Variants in LAMC1 observed in about 807,000 individuals in gnomAD.
LAMC1 encodes the protein laminin subunit gamma 1, also known as laminin subunit gamma-1.
LAMC1 carries 38 observed loss-of-function variants against 173.6 expected under a neutral mutation model. That is an observed-to-expected ratio of 0.22 (90% confidence interval 0.17 to 0.29). The LOEUF (loss-of-function observed/expected upper bound fraction) is 0.29. LAMC1 is among the 10% of genes least tolerant of loss of function. The pLI is 1.00. For missense variants in LAMC1, 1,824 were observed against 2,051.8 expected (o/e 0.89, Z 2.14); for synonymous variants, 746 against 749.1 (o/e 1.00, Z 0.07).
At chr1:183,058,658 G>A (rs994702805) in intron 1 of LAMC1, among the ~76,000 whole-genome samples, 1 of 152,114 alleles carries the variant, frequency 6.6e-6, no homozygotes, top group South Asian at 2.1e-4. Flanking sequence ...TTATACTAAT[G>A]TTTCTTGTTA....
chr1:183,069,116 G>C (rs1193963356), intron 1 of LAMC1, among the ~76,000 whole-genome samples: 1 of 152,104 alleles, frequency 6.6e-6, no homozygotes, highest in African/African-American at 2.4e-5. Context: ...TACTGTACCT[G>C]CTATATTGTG....
chr1:183,123,411 A>G (rs907092556), intron 13 of LAMC1, among the ~76,000 whole-genome samples: 3 of 152,210 alleles, frequency 2.0e-5, no homozygotes, highest in African/African-American at 7.2e-5. Context: ...CTCAGATTAC[A>G]CCACTTTTAA....
intron 1 of LAMC1, among the ~76,000 whole-genome samples, chr1:183,085,324 G>A (rs1460945918): frequency 6.6e-6 from 1 of 151,968 alleles, no homozygotes; most frequent in African/African-American, 2.4e-5. Flanking sequence ...TCCTTGACTG[G>A]TGGTTTCACT....
chr1:183,140,467 C>T lies in LAMC1; in HGVS notation c.4537C>T (p.Leu1513Phe), dbSNP rs1281142315. The change falls in exon 27 of 28, where the codon CTC becomes TTC. Residue 1513 changes from leucine to phenylalanine, a missense_variant. Coordinates refer to ENST00000258341, the MANE Select transcript of LAMC1 (RefSeq NM_002293.4). Reference sequence around the variant, plus strand: ...AAAAGCCAAAAACTCTGTTACTAGCCTCCTCAGCATTATTAATGACCTCTT... The same window carrying T: ...AAAAGCCAAAAACTCTGTTACTAGCTTCCTCAGCATTATTAATGACCTCTT... ...ARKAKNSVTS[L>F]LSIINDLLEQ... The T allele has an allele frequency of 6.2e-7, 1 of 1,613,546 alleles. No individual in the cohort carries two copies. Among genetic ancestry groups the T allele is most frequent in the Non-Finnish European group, 8.5e-7 (1 of 1,179,730 alleles).
In LAMC1 at chr1:183,134,689, T is replaced by C; in HGVS notation, c.3879T>C (p.Ala1293=). The C allele has an allele frequency of 6.2e-7, 1 of 1,612,902 alleles. No homozygotes were observed. The highest frequency in any genetic ancestry group is 8.5e-7 in the Non-Finnish European group (1 of 1,179,508). The change falls in exon 23 of 28, where the codon GCT becomes GCC. Residue 1293 remains alanine, a synonymous_variant. Transcript: ENST00000258341. ...AAGCAAATAACATAAAGATGGAAGC[T>C]GAGAATCTGGAACAACTGATTGACC... ...ENEANNIKME[A]ENLEQLIDQK...
chr1:183,073,042 A>C (rs561970155), intron 1 of LAMC1, among the ~76,000 whole-genome samples: 50 of 152,346 alleles, frequency 3.3e-4, no homozygotes, highest in African/African-American at 1.2e-3. Context: ...AATGTGCTTG[A>C]ATCATCCTGA....
At chr1:183,092,414 A>C (rs1406431371) in intron 1 of LAMC1, among the ~76,000 whole-genome samples, 3 of 132,726 alleles carry the variant, frequency 2.3e-5, no homozygotes, top group Non-Finnish European at 5.1e-5. Flanking sequence ...GTCACAGACC[A>C]TAAAGTTTAA....
intron 21 of LAMC1, among the ~76,000 whole-genome samples, chr1:183,132,949 C>T (rs1214751006): frequency 1.3e-5 from 2 of 152,022 alleles, no homozygotes; most frequent in East Asian, 1.9e-4. Context: ...TCACTCTTGT[C>T]CCCCAGGCTA....
chr1:183,117,022 T>C, intron 8 of LAMC1, 119 bp downstream of exon 8: 2 of 1,032,606 alleles, frequency 1.9e-6, no homozygotes, highest in Non-Finnish European at 2.8e-6. Context: ...CTTTGTATTA[T>C]TTAGCATGCA....
chr1:183,076,752 A>G (rs1226825463), intron 1 of LAMC1, among the ~76,000 whole-genome samples: 3 of 152,192 alleles, frequency 2.0e-5, no homozygotes, highest in African/African-American at 7.2e-5. Flanking sequence ...ATGTGGATAT[A>G]CTGTCTAATG....
intron 1 of LAMC1, among the ~76,000 whole-genome samples, chr1:183,031,579 C>T (rs1034093681): frequency 3.9e-5 from 6 of 152,186 alleles, no homozygotes; most frequent in Admixed American, 2.6e-4. Flanking sequence ...GCTGGGATTA[C>T]AGGCATGAGC....
chr1:183,046,644 T>G (rs868715079), intron 1 of LAMC1, among the ~76,000 whole-genome samples: 5 of 152,130 alleles, frequency 3.3e-5, no homozygotes, highest in African/African-American at 7.2e-5. Context: ...AAAACTTTTT[T>G]TGTGTGTGTT....
At chr1:183,069,890 G>T (rs757923281) in intron 1 of LAMC1, among the ~76,000 whole-genome samples, 1 of 152,136 alleles carries the variant, frequency 6.6e-6, no homozygotes, top group Non-Finnish European at 1.5e-5. Flanking sequence ...AGTAGGAGTG[G>T]GTGTTGAAAG....
chr1:183,115,474 G>A (rs1571449976), intron 5 of LAMC1, 46 bp from the exon 6 acceptor site: 1 of 1,260,904 alleles, frequency 7.9e-7, no homozygotes, highest in African/African-American at 1.5e-5. Flanking sequence ...TTTTACTTAC[G>A]TATCTGGCCG....
chr1:183,052,471 T>C (rs1654456681), intron 1 of LAMC1, among the ~76,000 whole-genome samples: 1 of 152,094 alleles, frequency 6.6e-6, no homozygotes. Flanking sequence ...GTAGCTGGGA[T>C]TACAGGCATG....
At position 183,031,228 on chromosome 1, in the gene LAMC1, A is replaced by G. The variant is rs1653840713; in HGVS notation, c.418+7094A>G. Among the ~76,000 whole-genome samples, 2 of 152,216 alleles carry G rather than the reference A, an allele frequency of 1.3e-5. 1 individual carries two copies. The highest frequency in any genetic ancestry group is 4.1e-4 in the South Asian group (2 of 4,830). On this transcript the variant is annotated intron_variant, in intron 1 of 27. Coordinates refer to ENST00000258341, the MANE Select transcript of LAMC1 (RefSeq NM_002293.4). ...AGTACGGTATAGCCCAGTGTATTCC[A>G]CATTAAAGTGGTTAGGCCGATGAGC...
intron 2 of LAMC1, among the ~76,000 whole-genome samples, chr1:183,105,558 A>G (rs556113736): frequency 1.3e-5 from 2 of 152,224 alleles, no homozygotes; most frequent in Admixed American, 1.3e-4. Flanking sequence ...GTTGCTCTTT[A>G]TGCCGTAGAA....
intron 24 of LAMC1, among the ~76,000 whole-genome samples, chr1:183,135,426 T>G (rs1485159029): frequency 1.3e-5 from 2 of 152,200 alleles, no homozygotes; most frequent in African/African-American, 4.8e-5. Context: ...GGAGATTATC[T>G]TTCATTTTCT....
At chr1:183,105,224 C>CAAAAAA (rs35512159) in intron 2 of LAMC1, among the ~76,000 whole-genome samples, 8 of 42,768 alleles carry the variant, frequency 1.9e-4, no homozygotes, top group Non-Finnish European at 2.1e-4. Context: ...GACTCCATCT[C>CAAAAAA]AAAAAAAAAA....
Sources: gnomAD v4.1 joint callset for allele counts (sites outside exome capture counted in the v4.1 genomes callset) on GRCh38, gnomAD v4.1.1 for gene constraint, MANE v1.5 for transcripts, NCBI Gene and HGNC (gene_info 2026-07-23, HGNC 2026-07-21) for gene names.